Variants in SLC9A9 observed in about 807,000 individuals in gnomAD.
SLC9A9 encodes the protein solute carrier family 9 member A9.
Under a neutral mutation model 77.8 loss-of-function variants are expected in SLC9A9, and 62 were observed. The observed-to-expected ratio is 0.80, with a 90% confidence interval of 0.65 to 0.98. SLC9A9 has a LOEUF of 0.98. Among genes scored for constraint, SLC9A9 ranks in the 50% least tolerant of loss-of-function variants. The pLI, the probability that SLC9A9 is intolerant of heterozygous loss-of-function variation, is 0.00. For missense variants in SLC9A9, 775 were observed against 774.9 expected, an observed-to-expected ratio of 1.00 and a Z score of 0.00; for synonymous variants, 320 against 283.5, an observed-to-expected ratio of 1.13 and a Z score of -1.29.
intron 12 of SLC9A9, among the ~76,000 whole-genome samples, chr3:143,385,551 C>T (rs2033403977): frequency 6.6e-6 from 1 of 152,200 alleles, no homozygotes. Flanking sequence ...GAATATGGAA[C>T]TGACATTATT....
chr3:143,384,428 G>A (rs906822085), intron 12 of SLC9A9, among the ~76,000 whole-genome samples: 1 of 152,130 alleles, frequency 6.6e-6, no homozygotes, highest in African/African-American at 2.4e-5. Flanking sequence ...ACTGAACTGA[G>A]GATCATGGGG....
At chr3:143,497,344 G>A (rs563238863) in intron 9 of SLC9A9, among the ~76,000 whole-genome samples, 50 of 152,230 alleles carry the variant, frequency 3.3e-4, no homozygotes, top group African/African-American at 1.2e-3. Flanking sequence ...CTCAGCCCAT[G>A]TGTTCATGCC....
intron 12 of SLC9A9, among the ~76,000 whole-genome samples, chr3:143,460,187 C>G (rs930539459): frequency 6.6e-6 from 1 of 152,108 alleles, no homozygotes; most frequent in Non-Finnish European, 1.5e-5. Context: ...GGAAACAAAA[C>G]GAAAACTCAC....
intron 12 of SLC9A9, among the ~76,000 whole-genome samples, chr3:143,436,259 G>A (rs1260334689): frequency 1.3e-5 from 2 of 152,134 alleles, no homozygotes; most frequent in African/African-American, 4.8e-5. Context: ...CTGCTGGCAG[G>A]GTCACCGCAT....
chr3:143,521,943 T>C (rs950678257), intron 9 of SLC9A9, among the ~76,000 whole-genome samples: 4 of 152,160 alleles, frequency 2.6e-5, no homozygotes, highest in African/African-American at 9.7e-5. Flanking sequence ...TTTTAGATTT[T>C]GGATTGTGAG....
At chr3:143,494,000 C>G (rs1030007763) in intron 10 of SLC9A9, among the ~76,000 whole-genome samples, 6 of 152,118 alleles carry the variant, frequency 3.9e-5, no homozygotes, top group African/African-American at 1.4e-4. Flanking sequence ...AAATTGTTAG[C>G]CCAATACCAA....
chr3:143,445,576 C>T (rs1032824896), intron 12 of SLC9A9, among the ~76,000 whole-genome samples: 2 of 152,164 alleles, frequency 1.3e-5, no homozygotes, highest in African/African-American at 4.8e-5. Context: ...CACAGAGCTC[C>T]AAACAGAGTC....
chr3:143,554,741 AC>A lies in SLC9A9; in HGVS notation c.1001-2292del, dbSNP rs2036950205. ...CTGACCTCTTCTCTGACCACTCCCC[AC>A]CGCCTTACCTTTCAATATCCTCTCT... On this transcript the variant is annotated intron_variant, in intron 8 of 15. Transcript: ENST00000316549. Among the ~76,000 whole-genome samples, 3 of 151,934 alleles carry A rather than the reference AC, an allele frequency of 2.0e-5. No homozygotes were observed. The Middle Eastern group carries it at 0.01, about 517-fold the overall frequency.
chr3:143,290,352 C>G (rs1279259932), intron 14 of SLC9A9, among the ~76,000 whole-genome samples: 1 of 152,136 alleles, frequency 6.6e-6, no homozygotes, highest in Non-Finnish European at 1.5e-5. Context: ...AGGGAATGAC[C>G]AGTTTTTAAT....
chr3:143,709,287 G>C (rs991336462), intron 4 of SLC9A9, among the ~76,000 whole-genome samples: 5 of 152,104 alleles, frequency 3.3e-5, no homozygotes, highest in African/African-American at 1.2e-4. Flanking sequence ...TTGGACCCAG[G>C]CATCAGTATT....
chr3:143,283,030 T>C (rs1220510032), intron 14 of SLC9A9, among the ~76,000 whole-genome samples: 1 of 152,228 alleles, frequency 6.6e-6, no homozygotes, highest in African/African-American at 2.4e-5. Flanking sequence ...ATATCTCCTC[T>C]CTTGTTAGAC....
At chr3:143,331,449 C>T (rs1047132150) in intron 14 of SLC9A9, among the ~76,000 whole-genome samples, 4 of 152,130 alleles carry the variant, frequency 2.6e-5, no homozygotes, top group African/African-American at 4.8e-5. Context: ...TCAATTATTT[C>T]CTGTTGAATA....
Position 143,389,439 on chromosome 3 carries a change from A to C in SLC9A9, c.1470-7325T>G, listed in dbSNP as rs1384810200. Among the ~76,000 whole-genome samples the C allele has an allele frequency of 2.0e-5, 3 of 152,312 alleles. No homozygotes were observed. In the East Asian group the frequency reaches 5.8e-4, roughly 29 times the overall value. ...TGTGCAGGACAGGCTCACTGTGGGAAGAAGTGGAAAGTATTGAGGTGTTTG... is the reference window on the plus strand; with the variant it reads ...TGTGCAGGACAGGCTCACTGTGGGACGAAGTGGAAAGTATTGAGGTGTTTG... On this transcript the variant is annotated intron_variant, in intron 12 of 15. Transcript: ENST00000316549.
At chr3:143,453,589 A>G (rs921834201) in intron 12 of SLC9A9, among the ~76,000 whole-genome samples, 1 of 152,202 alleles carries the variant, frequency 6.6e-6, no homozygotes, top group Non-Finnish European at 1.5e-5. Context: ...ACATATTCTG[A>G]AAGTGCTCTC....
At chr3:143,380,273 GATAAA>G (rs2033273136) in intron 13 of SLC9A9, among the ~76,000 whole-genome samples, 1 of 152,134 alleles carries the variant, frequency 6.6e-6, no homozygotes, top group African/African-American at 2.4e-5. Context: ...ACATGAATGA[GATAAA>G]ATAAAATACA....
chr3:143,531,129 G>T (rs905085069), intron 9 of SLC9A9, among the ~76,000 whole-genome samples: 22 of 152,322 alleles, frequency 1.4e-4, no homozygotes, highest in African/African-American at 5.3e-4. Context: ...GCTATTTGGT[G>T]AGTACTTTTA....
intron 5 of SLC9A9, among the ~76,000 whole-genome samples, chr3:143,674,126 T>C (rs1056620023): frequency 1.5e-4 from 23 of 152,216 alleles, no homozygotes; most frequent in Non-Finnish European, 5.9e-5. Context: ...AGCTCTTCAT[T>C]TGATCTGACA....
intron 6 of SLC9A9, among the ~76,000 whole-genome samples, chr3:143,609,949 T>A (rs1403148115): frequency 6.6e-6 from 1 of 152,178 alleles, no homozygotes; most frequent in Non-Finnish European, 1.5e-5. Context: ...CCTACAGATA[T>A]GAAAAGCTAT....
intron 12 of SLC9A9, among the ~76,000 whole-genome samples, chr3:143,387,782 G>C (rs1278257447): frequency 1.0e-5 from 1 of 96,544 alleles, no homozygotes; most frequent in African/African-American, 5.4e-5. Flanking sequence ...CCCAACCATA[G>C]TTAAAAAAAA....
Sources: allele counts gnomAD v4.1 joint callset (sites outside exome capture counted in the v4.1 genomes callset), GRCh38; gene constraint gnomAD v4.1.1; transcripts MANE v1.5; gene names NCBI Gene and HGNC (gene_info 2026-07-23, HGNC 2026-07-21).